Variants in CFH observed in about 807,000 individuals in gnomAD.
CFH encodes the protein H factor 1 (complement).
In CFH, 53 loss-of-function variants were observed where a neutral mutation model predicts 147.3. That is an observed-to-expected ratio of 0.36 (90% confidence interval 0.29 to 0.45). The LOEUF (loss-of-function observed/expected upper bound fraction) is 0.45. Ranked by LOEUF, CFH falls within the 20% of genes least tolerant of loss-of-function variation. The pLI is 1.00. For synonymous variants in CFH, 536 were observed against 489.4 expected, an observed-to-expected ratio of 1.10 and a Z score of -1.26; for missense variants, 1,380 against 1,498.0, an observed-to-expected ratio of 0.92 and a Z score of 1.30.
At chr1:196,703,982 CAAAA>C (rs386369224) in intron 9 of CFH, among the ~76,000 whole-genome samples, 2 of 60,596 alleles carry the variant, frequency 3.3e-5, no homozygotes, top group East Asian at 6.2e-4. Flanking sequence ...AAGACTCTGT[CAAAA>C]AAAAAAAAAA....
At chr1:196,695,789 A>G (rs1668242189) in intron 9 of CFH, among the ~76,000 whole-genome samples, 1 of 152,066 alleles carries the variant, frequency 6.6e-6, no homozygotes, top group Admixed American at 6.6e-5. Context: ...GAGTTCACTC[A>G]TGATTTGGCT....
intron 11 of CFH, among the ~76,000 whole-genome samples, chr1:196,724,896 T>G (rs1411802262): frequency 1.3e-5 from 2 of 152,194 alleles, no homozygotes; most frequent in African/African-American, 4.8e-5. Context: ...ACAAATTAAT[T>G]TTTAGAACAG....
chr1:196,678,599 T>G (rs1667537743), intron 5 of CFH: 1 of 152,098 alleles, frequency 6.6e-6, no homozygotes, highest in Non-Finnish European at 1.5e-5. Context: ...GCAAATATTA[T>G]GTACTTTAGA....
At chr1:196,687,879 T>C (rs1431479880) in intron 7 of CFH, among the ~76,000 whole-genome samples, 1 of 152,058 alleles carries the variant, frequency 6.6e-6, no homozygotes, top group Non-Finnish European at 1.5e-5. Context: ...ATATGGATTG[T>C]AGGCCAAGAA....
chr1:196,737,726 C>T (rs1652610818), intron 17 of CFH, 66 bp downstream of exon 17: 2 of 1,340,712 alleles, frequency 1.5e-6, no homozygotes, highest in African/African-American at 1.5e-5. Flanking sequence ...CTCTTGTTAT[C>T]AAAGTGAGGG....
At chr1:196,726,738 C>CG in intron 13 of CFH, 23 bp from the exon 14 acceptor site, 1 of 1,612,354 alleles carries the variant, frequency 6.2e-7, no homozygotes, top group Non-Finnish European at 8.5e-7. Flanking sequence ...TCACAATAAA[C>CG]TTTTTTTGTA....
At chr1:196,698,777 G>A (rs911366224) in intron 9 of CFH, among the ~76,000 whole-genome samples, 1 of 152,066 alleles carries the variant, frequency 6.6e-6, no homozygotes, top group Admixed American at 6.6e-5. Flanking sequence ...AACAGAAAAA[G>A]AAAATTTCAG....
chr1:196,744,778 A>AT (rs1215813540), intron 20 of CFH, among the ~76,000 whole-genome samples: 2 of 151,836 alleles, frequency 1.3e-5, no homozygotes, highest in Non-Finnish European at 2.9e-5. Flanking sequence ...TATCCATTCT[A>AT]TTTTTCTATT....
intron 9 of CFH, among the ~76,000 whole-genome samples, chr1:196,707,634 G>A (rs755496194): frequency 5.3e-5 from 8 of 152,160 alleles, no homozygotes; most frequent in South Asian, 2.1e-4. Context: ...AACCCGCCCC[G>A]CCAGATTCTT....
Position 196,698,811 on chromosome 1 carries a change from A to G in CFH, c.1336+8572A>G, listed in dbSNP as rs183486755. On this transcript the variant is annotated intron_variant, in intron 9 of 21. Coordinates refer to ENST00000367429, the MANE Select transcript of CFH (RefSeq NM_000186.4). ...AGTCTAATATCCCTGATGAACATCAATGCGAAAATCCTCAATAAAATACTG... is the reference window on the plus strand; with the variant it reads ...AGTCTAATATCCCTGATGAACATCAGTGCGAAAATCCTCAATAAAATACTG... 5.9e-3 allele frequency among the ~76,000 whole-genome samples: 897 copies of G among 152,358 alleles called. 10 individuals are homozygous for G. Among genetic ancestry groups the G allele is most frequent in the African/African-American group, 0.021 (859 of 41,594 alleles).
chr1:196,726,732 A>G (rs763461812), intron 13 of CFH, 29 bp from the exon 14 acceptor site: 5 of 1,612,494 alleles, frequency 3.1e-6, no homozygotes, highest in Non-Finnish European at 4.2e-6. Flanking sequence ...ATGTTTTCAC[A>G]ATAAACTTTT....
In CFH at chr1:196,736,994, C is replaced by G; in HGVS notation, c.2584C>G (p.Pro862Ala). 1 of 1,609,128 alleles carries G rather than the reference C, an allele frequency of 6.2e-7. No homozygotes were observed. Among genetic ancestry groups the G allele is most frequent in the Non-Finnish European group, 8.5e-7 (1 of 1,176,718 alleles). Reference protein sequence around the residue: ...TCKDGRWQSIPLCVEKIPCSQ... With the variant: ...TCKDGRWQSIALCVEKIPCSQ... ...CAAAGATGGAAGATGGCAGTCAATA[C>G]CACTCTGTGTTGGTCAGTAGTGTAT... The change falls in exon 16 of 22, where the codon CCA (proline) becomes GCA (alanine). Residue 862 changes from proline (P) to alanine (A), a missense_variant. Pro to Ala is a conservative substitution (Grantham distance 27, BLOSUM62 -1). This residue lies in a region of CFH where 830 missense variants were observed against 821.4 expected (regional missense o/e 1.01). Transcript: ENST00000367429.
At chr1:196,738,022 A>G (rs922725735) in intron 17 of CFH, among the ~76,000 whole-genome samples, 1 of 152,126 alleles carries the variant, frequency 6.6e-6, no homozygotes, top group African/African-American at 2.4e-5. Context: ...ACTTACAATC[A>G]TGGTGGAGGG....
intron 10 of CFH, 77 bp downstream of exon 10, chr1:196,713,994 G>A: frequency 2.3e-6 from 3 of 1,281,076 alleles, no homozygotes; most frequent in South Asian, 1.3e-5. Context: ...TTTTGTGGGG[G>A]CTGATATAAT....
chr1:196,742,854 A>G (rs1175816799), intron 19 of CFH, among the ~76,000 whole-genome samples: 2 of 152,172 alleles, frequency 1.3e-5, no homozygotes, highest in Non-Finnish European at 2.9e-5. Context: ...AAATTATCTG[A>G]GGTTATTTTT....
intron 9 of CFH, among the ~76,000 whole-genome samples, chr1:196,713,507 G>T (rs745327867): frequency 2.0e-5 from 3 of 152,088 alleles, no homozygotes; most frequent in African/African-American, 2.4e-5. Flanking sequence ...AGAAATAATT[G>T]TAAGTGTCTT....
rs1652780322 is a variant in CFH, at chr1:196,740,664, C to T, written c.2828C>T (p.Ala943Val). 6.2e-7 allele frequency: 1 copy of T among 1,613,808 alleles called. No homozygotes were observed. Among genetic ancestry groups the T allele is most frequent in the Non-Finnish European group, 8.5e-7 (1 of 1,179,936 alleles). ...CCTGAGATTTCTCATGGTGTTGTAG[C>T]TCACATGTCAGACAGTTATCAGTAT... ...SPPEISHGVV[A>V]HMSDSYQYGE... Residue 943 changes from alanine to valine, a missense_variant, in exon 18 of 22, where the codon GCT becomes GTT. Coordinates refer to ENST00000367429, the MANE Select transcript of CFH (RefSeq NM_000186.4).
At chr1:196,710,608 C>T (rs1421229996) in intron 9 of CFH, among the ~76,000 whole-genome samples, 2 of 152,000 alleles carry the variant, frequency 1.3e-5, no homozygotes, top group East Asian at 3.9e-4. Context: ...TTCCATATGA[C>T]TTTAGAATCA....
chr1:196,701,286 A>G, intron 9 of CFH: 1 of 1,613,762 alleles, frequency 6.2e-7, no homozygotes, highest in Non-Finnish European at 8.5e-7. Flanking sequence ...AGCCTAACTC[A>G]GGGTAATCAT....
Sources: allele counts gnomAD v4.1 joint callset (sites outside exome capture counted in the v4.1 genomes callset), GRCh38; gene constraint gnomAD v4.1.1; regional missense constraint gnomAD v4.1.1; transcripts MANE v1.5; gene names NCBI Gene and HGNC (gene_info 2026-07-23, HGNC 2026-07-21).